The following EVL variants were observed in gnomAD, a reference collection of about 807,000 sequenced individuals.
EVL encodes Enah/Vasp-like.
In EVL, 21 loss-of-function variants were observed where a neutral mutation model predicts 59.6. The observed-to-expected ratio is 0.35, with a 90% CI of 0.25 to 0.51. The LOEUF is 0.51. Among genes scored for constraint, EVL ranks in the 20% least tolerant of loss-of-function variants. The pLI, the probability that EVL is intolerant of heterozygous loss-of-function variation, is 0.97. For synonymous variants in EVL, 198 were observed against 203.5 expected, an observed-to-expected ratio of 0.97 and a Z score of 0.23; for missense variants, 462 against 546.6, an observed-to-expected ratio of 0.85 and a Z score of 1.54.
intron 2 of EVL, among the ~76,000 whole-genome samples, chr14:100,088,965 C>T (rs1315906307): frequency 2.0e-5 from 3 of 152,152 alleles, no homozygotes; most frequent in East Asian, 3.8e-4. Context: ...AAAAGATAAA[C>T]CTTACAAACA....
chr14:100,135,272 C>T (rs1199435357), intron 8 of EVL: 1 of 152,242 alleles, frequency 6.6e-6, no homozygotes, highest in South Asian at 2.1e-4. Context: ...CCCACGGTGA[C>T]AAGGGAGAGG....
chr14:100,040,720 T>C (rs2061455789), intron 1 of EVL, among the ~76,000 whole-genome samples: 2 of 152,208 alleles, frequency 1.3e-5, no homozygotes, highest in African/African-American at 2.4e-5. Flanking sequence ...TCATGACCTT[T>C]ATTGCCTGTG....
At chr14:100,009,497 C>G (rs970424755) in intron 1 of EVL, among the ~76,000 whole-genome samples, 1 of 152,192 alleles carries the variant, frequency 6.6e-6, no homozygotes, top group African/African-American at 2.4e-5. Flanking sequence ...CCTTTGGAAT[C>G]CATTCATTCT....
At chr14:100,064,774 G>A (rs949859377), upstream of EVL, among the ~76,000 whole-genome samples, 1 of 152,228 alleles carries the variant, frequency 6.6e-6, no homozygotes, top group Non-Finnish European at 1.5e-5. Context: ...GCTGGGCATG[G>A]TGGCACATGC....
chr14:100,061,120 G>A (rs951773350), upstream of EVL, among the ~76,000 whole-genome samples: 1 of 152,162 alleles, frequency 6.6e-6, no homozygotes, highest in East Asian at 1.9e-4. Context: ...GCCAGGCATG[G>A]TGGCTCACGC....
chr14:100,065,986 G>C lies in EVL; in HGVS notation c.11+475G>C, dbSNP rs949525893. On this transcript the variant is annotated intron_variant, in intron 1 of 13. Transcript: ENST00000392920. ...TAGCAAGAGTCCTGACCCTCCACTT[G>C]AGAGACTTGTGGACTTAGGCTATTG... Among the ~76,000 whole-genome samples, 5 of 152,168 alleles carry C rather than the reference G, an allele frequency of 3.3e-5. No individual in the cohort carries two copies. In the East Asian group the frequency reaches 9.6e-4, roughly 29 times the overall value.
intron 1 of EVL, among the ~76,000 whole-genome samples, chr14:100,005,662 CA>C (rs1442785276): frequency 3.3e-5 from 5 of 151,850 alleles, no homozygotes; most frequent in East Asian, 1.9e-4. Context: ...CACACACACA[CA>C]CACACACCCC....
At position 100,109,481 on chromosome 14, in the gene EVL, G is replaced by A. The variant is rs544043099; in HGVS notation, c.358+11823G>A. On this transcript the variant is annotated intron_variant, in intron 3 of 13. Transcript: ENST00000392920. This position sits in a 1 kb window ranked among gnomAD's most constrained non-coding sequence, Gnocchi z 4.3. Reference sequence around the variant, plus strand: ...GGGCAGGTGTCTGTTTCTGTGTCTCGGGAGCCCTGAAGAGAGACTGACACA... The same window carrying A: ...GGGCAGGTGTCTGTTTCTGTGTCTCAGGAGCCCTGAAGAGAGACTGACACA... 173 of 425,082 alleles carry A rather than the reference G, an allele frequency of 4.1e-4. 1 individual carries two copies. Among genetic ancestry groups the A allele is most frequent in the African/African-American group, 3.4e-3 (166 of 48,902 alleles). The allele number at this position is 425,082 out of a possible 1,614,324, so 26.3% of individuals were successfully genotyped here.
intron 3 of EVL, among the ~76,000 whole-genome samples, chr14:100,103,424 C>T (rs1222201625): frequency 6.6e-6 from 1 of 152,130 alleles, no homozygotes; most frequent in Admixed American, 6.5e-5. Context: ...CCTCCCCAGC[C>T]CTCTGGATCC....
intron 1 of EVL, among the ~76,000 whole-genome samples, chr14:100,021,229 T>C (rs1231019637): frequency 2.0e-5 from 3 of 152,230 alleles, no homozygotes; most frequent in African/African-American, 7.2e-5. Flanking sequence ...GGGTTATGTA[T>C]GAACACATCC....
At chr14:100,055,109 G>C (rs572195630) in intron 1 of EVL, among the ~76,000 whole-genome samples, 1 of 151,808 alleles carries the variant, frequency 6.6e-6, no homozygotes, top group African/African-American at 2.4e-5. Flanking sequence ...CGAGGCAGGA[G>C]AATTGCTTGA....
intron 1 of EVL, among the ~76,000 whole-genome samples, chr14:100,002,352 A>C (rs900830737): frequency 7.9e-5 from 12 of 152,194 alleles, no homozygotes; most frequent in Non-Finnish European, 1.6e-4. Flanking sequence ...TTGTCTGTAG[A>C]TGACAAAAAG....
intron 2 of EVL, among the ~76,000 whole-genome samples, chr14:100,094,712 C>G (rs779125670): frequency 6.6e-6 from 1 of 151,852 alleles, no homozygotes; most frequent in Non-Finnish European, 1.5e-5. Context: ...CCACTGCACT[C>G]CAGCCTGGGC....
At chr14:100,076,122 A>G (rs551731971) in intron 1 of EVL, among the ~76,000 whole-genome samples, 1 of 152,360 alleles carries the variant, frequency 6.6e-6, no homozygotes, top group Non-Finnish European at 1.5e-5. Flanking sequence ...GGCAGGAGAA[A>G]TATCTCTTCC....
intron 2 of EVL, among the ~76,000 whole-genome samples, chr14:100,091,789 T>TG (rs938539637): frequency 4.5e-4 from 68 of 152,180 alleles, no homozygotes; most frequent in African/African-American, 1.6e-3. Flanking sequence ...AACCTGCACT[T>TG]GCGACTGGCA....
At position 100,135,985 on chromosome 14, in the gene EVL, CG is replaced by C. The variant is rs745783960; in HGVS notation, c.964+18del. The C allele has an allele frequency of 6.2e-7, 1 of 1,613,240 alleles. No homozygotes were observed. The stretch of plus-strand genomic sequence containing the variant: ...ACTCCTCAGGTGAGAGGGCGCCCCC[CG>C]CTGACCCCAGTGAGGCATGAGGTCT... On this transcript the variant is annotated intron_variant, in intron 9 of 13. Coordinates refer to ENST00000392920, the MANE Select transcript of EVL (RefSeq NM_016337.3).
At position 100,131,132 on chromosome 14, in the gene EVL, G is replaced by A. The variant is rs116767519; in HGVS notation, c.839+1448G>A. On this transcript the variant is annotated intron_variant, in intron 7 of 13. Coordinates refer to ENST00000392920, the MANE Select transcript of EVL (RefSeq NM_016337.3). ...CTGGAAGAGGGAGCCTCCTGGTGCAGGGCATCGGGTTCCACCTCAGAGCAC... is the reference window on the plus strand; with the variant it reads ...CTGGAAGAGGGAGCCTCCTGGTGCAAGGCATCGGGTTCCACCTCAGAGCAC... Among the ~76,000 whole-genome samples the A allele has an allele frequency of 5.1e-3, 781 of 152,352 alleles. 6 individuals are homozygous for A. The highest frequency in any genetic ancestry group is 0.017 in the African/African-American group (697 of 41,576).
rs554653539 is a variant in EVL, at chr14:99,979,355, C to CT, written c.5+7305dup. Among the ~76,000 whole-genome samples, 753 of 152,052 alleles carry CT rather than the reference C, an allele frequency of 5.0e-3. 4 individuals are homozygous for CT. Among genetic ancestry groups the CT allele is most frequent in the African/African-American group, 0.018 (726 of 41,462 alleles). ...CTTCTGTGAACATTTTCCCTATCTG[C>CT]TTTTTTTAAAGATTTAGATACAGAA... On this transcript the variant is annotated intron_variant, in intron 1 of 13. Coordinates refer to the EVL transcript ENST00000402714.
At chr14:100,014,173 C>A (rs181303039) in intron 1 of EVL, among the ~76,000 whole-genome samples, 39 of 152,240 alleles carry the variant, frequency 2.6e-4, no homozygotes, top group African/African-American at 7.5e-4. Context: ...TATGATCAGT[C>A]CCCTGCCCAT....
Sources: gnomAD v4.1 joint callset for allele counts (sites outside exome capture counted in the v4.1 genomes callset) on GRCh38, gnomAD v4.1.1 for gene constraint, Gnocchi (gnomAD v3.1) non-coding constraint, MANE v1.5 for transcripts, NCBI Gene and HGNC (gene_info 2026-07-23, HGNC 2026-07-21) for gene names.